ACHE: variants seen among roughly 807,000 people sequenced by gnomAD.
ACHE encodes the protein acetylcholinesterase (Yt blood group), also known as acetylcholinesterase.
A neutral mutation model predicts 53.9 loss-of-function variants in ACHE; 19 were observed. The observed-to-expected ratio is 0.35, with a 90% confidence interval of 0.25 to 0.52. The LOEUF is 0.52. Ranked by LOEUF, ACHE falls within the 20% of genes least tolerant of loss-of-function variation. The pLI is 0.95. For missense variants in ACHE, 605 were observed against 849.4 expected (o/e 0.71, Z 3.58); for synonymous variants, 392 against 378.1 (o/e 1.04, Z -0.43).
intron 3 of ACHE, among the ~76,000 whole-genome samples, chr7:100,891,783 C>CTTTTTTTTTT: frequency 9.7e-6 from 1 of 103,466 alleles, no homozygotes; most frequent in Non-Finnish European, 1.9e-5. Flanking sequence ...CTTGGTCTCC[C>CTTTTTTTTTT]TTTTTTTTTT....
Position 100,892,730 on chromosome 7 carries a change from CTGA to C in ACHE, c.1154_1156del (p.Ile385del). The C allele has an allele frequency of 6.2e-7, 1 of 1,613,408 alleles. No homozygotes were observed. Among genetic ancestry groups the C allele is most frequent in the African/African-American group, 1.3e-5 (1 of 75,038 alleles). On this transcript the variant is annotated inframe_deletion, in exon 3 of 5. Transcript: ENST00000241069. The surrounding 1 kb of genome is among the most constrained non-coding windows in gnomAD (Gnocchi z 5.2). ...CACCCCGGCCAGGAACTCGGCCCGG[CTGA>C]TGAGAGACTCGTTGTCTTTGCTGAA...
chr7:100,891,200 G>T lies in ACHE; in HGVS notation c.1692C>A (p.Asn564Lys), dbSNP rs745885928. 6.2e-7 allele frequency: 1 copy of T among 1,609,904 alleles called. No individual in the cohort carries two copies. Among genetic ancestry groups the T allele is most frequent in the Non-Finnish European group, 8.5e-7 (1 of 1,179,006 alleles). ...CGCTGAGCAATTTGGGGAGGAAGCG[G>T]TTCCAGAAGGCGCAGGCCTGGGCGC... The part of the protein sequence containing the change: ...GLRAQACAFW[N>K]RFLPKLLSAT... Residue 564 changes from asparagine (N) to lysine (K), a missense_variant, in exon 4 of 5, where the codon AAC (asparagine) becomes AAA (lysine). Around this residue, in one of 4 missense-constraint regions of ACHE, gnomAD observed 91 missense variants for 83.2 expected, o/e 1.09. Coordinates refer to ENST00000241069, the MANE Select transcript of ACHE (RefSeq NM_000665.5).
Position 100,892,848 on chromosome 7 carries a change from G to A in ACHE, c.1069-30C>T, listed in dbSNP as rs755543924. The A allele has an allele frequency of 5.2e-6, 8 of 1,534,836 alleles. No individual in the cohort carries two copies. Among genetic ancestry groups the A allele is most frequent in the Non-Finnish European group, 2.6e-6 (3 of 1,142,948 alleles). ...GGGTGAGGGAGAGGGGGGTGGGATG[G>A]AGCGACAGGCACAGACAGACAAGTA... On this transcript the variant is annotated intron_variant, in intron 2 of 4. Transcript: ENST00000241069. The surrounding 1 kb of genome is among the most constrained non-coding windows in gnomAD (Gnocchi z 5.2).
Position 100,894,051 on chromosome 7 carries a change from G to A in ACHE, c.182C>T (p.Ser61Phe). 1.3e-6 allele frequency: 2 copies of A among 1,589,448 alleles called. No individual in the cohort carries two copies. Among genetic ancestry groups the A allele is most frequent in the Non-Finnish European group, 8.6e-7 (1 of 1,168,418 alleles). Residue 61 changes from serine (S) to phenylalanine (F), a missense_variant, in exon 2 of 5, where the codon TCT becomes TTT. Physicochemically the swap from Ser to Phe is radical, Grantham distance 155. This residue lies in a region of ACHE where 397 missense variants were observed against 632.5 expected (regional missense o/e 0.63). Coordinates refer to ENST00000241069, the MANE Select transcript of ACHE (RefSeq NM_000665.5). ...IRLKTPGGPV[S>F]AFLGIPFAEP... ...CGCAAAGGGGATGCCCAGGAAAGCA[G>A]AGACAGGGCCCCCGGGGGTCTTCAG...
chr7:100,892,514 G>A lies in ACHE; in HGVS notation c.1373C>T (p.Ala458Val). 6.2e-7 allele frequency: 1 copy of A among 1,605,076 alleles called. No individual in the cohort carries two copies. Among genetic ancestry groups the A allele is most frequent in the South Asian group, 1.1e-5 (1 of 90,706 alleles). The change falls in exon 3 of 5, where the codon GCC becomes GTC. Residue 458 changes from alanine to valine, a missense_variant. Physicochemically the swap from Ala to Val is moderately conservative, Grantham distance 64 (BLOSUM62 0). Transcript: ENST00000241069. This position sits in a 1 kb window ranked among gnomAD's most constrained non-coding sequence, Gnocchi z 5.2. ...RLAAQGARVY[A>V]YVFEHRASTL... ...GGAAGCACGGTGTTCAAAGACGTAG[G>A]CGTAGACCCGGGCACCCTGGGCAGC...
At position 100,892,252 on chromosome 7, in the gene ACHE, T is replaced by C; in HGVS notation, c.1553+82A>G. On this transcript the variant is annotated intron_variant, in intron 3 of 4. Transcript: ENST00000241069. This position sits in a 1 kb window ranked among gnomAD's most constrained non-coding sequence, Gnocchi z 5.2. ...CTGCCCCTGTCCCACCCGTCCTTTC[T>C]GTCTCCGTGTGTCTGCCTTTGTGTG... The C allele has an allele frequency of 1.4e-6, 2 of 1,438,404 alleles. No homozygotes were observed. The highest frequency in any genetic ancestry group is 2.4e-5 in the East Asian group (1 of 41,512). The allele number at this position is 1,438,404 out of a possible 1,614,324, so 89.1% of individuals were successfully genotyped here. A position where few individuals can be genotyped will look rare whatever the true frequency, so the allele number is the denominator to read the frequency against.
Position 100,893,429 on chromosome 7 carries a change from G to C in ACHE, c.804C>G (p.Ala268=), listed in dbSNP as rs766118514. The C allele has an allele frequency of 4.3e-6, 7 of 1,609,850 alleles. No homozygotes were observed. The highest frequency in any genetic ancestry group is 5.1e-6 in the Non-Finnish European group (6 of 1,179,398). The change falls in exon 2 of 5, where the codon GCC becomes GCG. Residue 268 remains alanine, a synonymous_variant. Coordinates refer to ENST00000241069, the MANE Select transcript of ACHE (RefSeq NM_000665.5). ...LQSGAPNGPW[A]TVGMGEARRR... ...GACGGGCCTCTCCCATGCCCACCGT[G>C]GCCCAGGGTCCATTGGGGGCACCGC...
chr7:100,896,991 G>A (rs1226575009), upstream of ACHE: 1 of 149,196 alleles, frequency 6.7e-6, no homozygotes, highest in Admixed American at 6.7e-5. Context: ...CGTCGGGCGT[G>A]CGTGCGCGCG....
rs1272377749 is a variant in ACHE at position 100,891,248 on chromosome 7, C to A, written c.1644G>T (p.Pro548=). 1.2e-6 allele frequency: 2 copies of A among 1,611,340 alleles called. No individual in the cohort carries two copies. Among genetic ancestry groups the A allele is most frequent in the Non-Finnish European group, 1.7e-6 (2 of 1,179,650 alleles). Residue 548 remains proline, a synonymous_variant, in exon 4 of 5, where the codon CCG becomes CCT. Coordinates refer to ENST00000241069, the MANE Select transcript of ACHE (RefSeq NM_000665.5). The stretch of plus-strand genomic sequence containing the variant: ...CGCGCAGCCCCCGCCGCACCTCCAG[C>A]GGCCGCAGGTCCAGACTAACGTACT... ...AQQYVSLDLR[P]LEVRRGLRAQ... is the part of the protein sequence containing the mutation.
Position 100,890,196 on chromosome 7 carries a change from A to T in ACHE, c.*18T>A, listed in dbSNP as rs1375036200. 7 of 1,613,406 alleles carry T rather than the reference A, an allele frequency of 4.3e-6. No homozygotes were observed. In the East Asian group the frequency reaches 1.1e-4, roughly 26 times the overall value. ...TAGGGGGCCGGGCGGAGCGGAGGAC[A>T]TGGGGGTCCCGCCGGGGTCACAGGT... On this transcript the variant is annotated 3_prime_UTR_variant, in exon 5 of 5. Coordinates refer to ENST00000241069, the MANE Select transcript of ACHE (RefSeq NM_000665.5).
At chr7:100,894,867 C>T (rs550531516) in intron 1 of ACHE, among the ~76,000 whole-genome samples, 79 of 152,230 alleles carry the variant, frequency 5.2e-4, no homozygotes, top group African/African-American at 1.8e-3. Context: ...GCGCACGCTC[C>T]CAGCCCAGCC....
chr7:100,893,657 C>A lies in ACHE; in HGVS notation c.576G>T (p.Leu192=). The A allele has an allele frequency of 6.2e-7, 1 of 1,613,254 alleles. No homozygotes were observed. The highest frequency in any genetic ancestry group is 1.7e-5 in the Admixed American group (1 of 60,030). Residue 192 remains leucine, a synonymous_variant, in exon 2 of 5, where the codon CTG becomes CTT. Transcript: ENST00000241069. ...TGCCCGGGGCCTCTCGGCTCCCCGG[C>A]AGGGCCAGGAAGCCAAAGGCTCCCA... ...YRVGAFGFLA[L]PGSREAPGNV...
rs1190229992 is a variant in ACHE at position 100,892,702 on chromosome 7, C to G, written c.1185G>C (p.Arg395=). 6.2e-7 allele frequency: 1 copy of G among 1,613,620 alleles called. No individual in the cohort carries two copies. The highest frequency in any genetic ancestry group is 2.2e-5 in the East Asian group (1 of 44,866). The change falls in exon 3 of 5, where the codon CGG becomes CGC. Residue 395 remains arginine, a synonymous_variant. Coordinates refer to ENST00000241069, the MANE Select transcript of ACHE (RefSeq NM_000665.5). The surrounding 1 kb of genome is among the most constrained non-coding windows in gnomAD (Gnocchi z 5.2). ...GGTCACTTACCTGGGGAACCCCGAC[C>G]CGCACCCCGGCCAGGAACTCGGCCC... ...ISRAEFLAGV[R]VGVPQVSDLA... is the part of the protein sequence containing the mutation.
upstream of ACHE, chr7:100,896,719 C>A: frequency 3.1e-6 from 1 of 319,856 alleles, no homozygotes; most frequent in Non-Finnish European, 6.6e-6. Context: ...ATGACATCAC[C>A]AGGCCTAGCA....
In ACHE at chr7:100,890,063, A is replaced by G; in HGVS notation, c.*151T>C. The G allele has an allele frequency of 1.1e-6, 1 of 927,592 alleles. No homozygotes were observed. The highest frequency in any genetic ancestry group is 1.6e-6 in the Non-Finnish European group (1 of 632,916). 57.5% of individuals were successfully genotyped at this position (927,592 alleles called of 1,614,324 possible). On this transcript the variant is annotated 3_prime_UTR_variant, in exon 5 of 5. Coordinates refer to ENST00000241069, the MANE Select transcript of ACHE (RefSeq NM_000665.5). ...CGGGGGAGGGAGCTCAGCCTGAGACATGCAGAGGACCGGGAGCCCCGGGGG... is the reference window on the plus strand; with the variant it reads ...CGGGGGAGGGAGCTCAGCCTGAGACGTGCAGAGGACCGGGAGCCCCGGGGG...
Position 100,890,419 on chromosome 7 carries a change from G to C in ACHE, c.1724-84C>G, listed in dbSNP as rs375151616. 2.0e-5 allele frequency: 30 copies of C among 1,534,894 alleles called. No individual in the cohort carries two copies. In the African/African-American group the frequency reaches 3.4e-4, roughly 17 times the overall value. On this transcript the variant is annotated intron_variant, in intron 4 of 4. Transcript: ENST00000241069. ...TCGGACATTTGGGCGGGTTGAAGGG[G>C]GGGTATGAGTGCAGGGAGGACGCAC...
At chr7:100,894,628 C>T (rs1183483668) in intron 1 of ACHE, among the ~76,000 whole-genome samples, 7 of 150,948 alleles carry the variant, frequency 4.6e-5, no homozygotes, top group Non-Finnish European at 8.9e-5. Context: ...CGCGGCCTCA[C>T]GGACGGGCAG....
rs754552428 is a variant in ACHE at position 100,893,978 on chromosome 7, C to T, written c.255G>A (p.Gln85=). Residue 85 remains glutamine, a synonymous_variant, in exon 2 of 5, where the codon CAG becomes CAA. Coordinates refer to ENST00000241069, the MANE Select transcript of ACHE (RefSeq NM_000665.5). ...PRRFLPPEPK[Q]PWSGVVDATT... ...TAGCGTCTACCACCCCTGACCAAGG[C>T]TGCTTGGGCTCCGGTGGCAGAAAGC... 1 of 1,612,106 alleles carries T rather than the reference C, an allele frequency of 6.2e-7. No homozygotes were observed. Among genetic ancestry groups the T allele is most frequent in the South Asian group, 1.1e-5 (1 of 90,826 alleles).
intron 1 of ACHE, among the ~76,000 whole-genome samples, chr7:100,894,565 C>A (rs1459943601): frequency 1.3e-5 from 2 of 152,120 alleles, no homozygotes; most frequent in East Asian, 1.9e-4. Context: ...GGGCCCAGCT[C>A]GTGCAGTGAG....
Sources: allele counts gnomAD v4.1 joint callset (sites outside exome capture counted in the v4.1 genomes callset), GRCh38; gene constraint gnomAD v4.1.1; regional missense constraint gnomAD v4.1.1; non-coding constraint Gnocchi (gnomAD v3.1); transcripts MANE v1.5; gene names NCBI Gene and HGNC (gene_info 2026-07-23, HGNC 2026-07-21).